Variants in NCAPD2 observed in about 807,000 individuals in gnomAD.
NCAPD2 encodes the protein condensin complex subunit 1.
A neutral mutation model predicts 164.5 loss-of-function variants in NCAPD2; 100 were observed. That is an observed-to-expected ratio of 0.61 (90% CI 0.52 to 0.72). The LOEUF (loss-of-function observed/expected upper bound fraction) is 0.72. Among genes scored for constraint, NCAPD2 ranks in the 30% least tolerant of loss-of-function variants. NCAPD2 has a pLI of 0.00. For synonymous variants in NCAPD2, 585 were observed against 642.6 expected, an observed-to-expected ratio of 0.91 and a Z score of 1.36; for missense variants, 1,560 against 1,749.2, an observed-to-expected ratio of 0.89 and a Z score of 1.93.
chr12:6,531,136 G>T lies in NCAPD2; in HGVS notation c.4120+60G>T. On this transcript the variant is annotated intron_variant, in intron 31 of 31. Transcript: ENST00000315579. This position sits in a 1 kb window ranked among gnomAD's most constrained non-coding sequence, Gnocchi z 4.1. ...CACACAGCTAGGGTGCAGAGGGCTG[G>T]TTTCCATAGGACCTGCTGCGGGGGC... 6.2e-7 allele frequency: 1 copy of T among 1,602,084 alleles called. No individual in the cohort carries two copies. Among genetic ancestry groups the T allele is most frequent in the Admixed American group, 1.7e-5 (1 of 59,366 alleles).
At chr12:6,500,094 A>G (rs932660461) in intron 2 of NCAPD2, among the ~76,000 whole-genome samples, 6 of 152,190 alleles carry the variant, frequency 3.9e-5, no homozygotes, top group South Asian at 2.1e-4. Context: ...CTGCACTGCA[A>G]CCTGGCCACA....
Position 6,521,927 on chromosome 12 carries a change from T to G in NCAPD2, c.1844T>G (p.Val615Gly). The G allele has an allele frequency of 6.2e-7, 1 of 1,614,016 alleles. No homozygotes were observed. The highest frequency in any genetic ancestry group is 1.1e-5 in the South Asian group (1 of 91,068). The part of the protein sequence containing the change: ...PEESRGNDEL[V>G]KQEMLVQYLQ... ...GAATCCAGGGGAAATGATGAACTAG[T>G]GAAGCAGGAGATGCTGGTACAGTAT... Residue 615 changes from valine (V) to glycine (G), a missense_variant, in exon 15 of 32, where the codon GTG becomes GGG. Val to Gly is a moderately radical substitution (Grantham distance 109). Transcript: ENST00000315579.
Position 6,531,569 on chromosome 12 carries a change from A to C in NCAPD2, c.*157A>C. ...GCCTGTAATCCCAGCACTTTGCGAT[A>C]CCAAGGCGGGTGGATAACCTGAGGT... On this transcript the variant is annotated 3_prime_UTR_variant, in exon 32 of 32. Transcript: ENST00000315579. This position sits in a 1 kb window ranked among gnomAD's most constrained non-coding sequence, Gnocchi z 4.1. 6.9e-7 allele frequency: 1 copy of C among 1,457,566 alleles called. No individual in the cohort carries two copies. Among genetic ancestry groups the C allele is most frequent in the Non-Finnish European group, 9.2e-7 (1 of 1,087,306 alleles). The allele number at this position is 1,457,566 out of a possible 1,614,324, so 90.3% of individuals were successfully genotyped here.
In NCAPD2 at chr12:6,514,764, CCT is replaced by C. The variant is rs1263873388; in HGVS notation, c.840-8_840-7del. 6.2e-7 allele frequency: 1 copy of C among 1,613,962 alleles called. No individual in the cohort carries two copies. The highest frequency in any genetic ancestry group is 1.3e-5 in the African/African-American group (1 of 75,024). On this transcript the variant is annotated splice_region_variant and splice_polypyrimidine_tract_variant and intron_variant, in intron 8 of 31. Coordinates refer to ENST00000315579, the MANE Select transcript of NCAPD2 (RefSeq NM_014865.4). ...ATGTTGCTATGGCTGTGTTTTCTTCCCTGTGTAGAGAGATTGGACAAAAGTGT... is the reference window on the plus strand; with the variant it reads ...ATGTTGCTATGGCTGTGTTTTCTTCCGTGTAGAGAGATTGGACAAAAGTGT...
chr12:6,523,400 T>TTTG (rs1946286154), intron 17 of NCAPD2, 54 bp downstream of exon 17: 3 of 1,232,740 alleles, frequency 2.4e-6, no homozygotes. Context: ...TTTTGGTTGT[T>TTTG]TTTTTTTTTT....
Position 6,527,081 on chromosome 12 carries a change from G to A in NCAPD2, c.2907+18G>A, listed in dbSNP as rs757415247. Reference sequence around the variant, plus strand: ...AGGAGAAGGTGTGTGAATGTCCTCAGCACTTCCCAGATTTATTTCATACCT... The same window carrying A: ...AGGAGAAGGTGTGTGAATGTCCTCAACACTTCCCAGATTTATTTCATACCT... On this transcript the variant is annotated intron_variant, in intron 22 of 31. Transcript: ENST00000315579. The A allele has an allele frequency of 6.3e-7, 1 of 1,590,014 alleles. No homozygotes were observed. The highest frequency in any genetic ancestry group is 8.6e-7 in the Non-Finnish European group (1 of 1,165,572).
At chr12:6,505,318 G>A (rs528794665) in intron 2 of NCAPD2, among the ~76,000 whole-genome samples, 21 of 152,182 alleles carry the variant, frequency 1.4e-4, no homozygotes, top group African/African-American at 4.6e-4. Context: ...CACCCGCCTC[G>A]GTCTCCAAAG....
In NCAPD2 at chr12:6,518,525, T is replaced by TTG. The variant is rs2137053259; in HGVS notation, c.1589+567_1589+568insGT. ...ACAAGTTTTTTTTTTTTTTTTTTTT[T>TTG]TTTTTTTTTGAGATGGAGTCTCACT... On this transcript the variant is annotated intron_variant, in intron 13 of 31. Coordinates refer to ENST00000315579, the MANE Select transcript of NCAPD2 (RefSeq NM_014865.4). Among the ~76,000 whole-genome samples, 2 of 122,056 alleles carry TTG rather than the reference T, an allele frequency of 1.6e-5. 1 individual carries two copies. Among genetic ancestry groups the TTG allele is most frequent in the African/African-American group, 6.6e-5 (2 of 30,368 alleles). 80.1% of individuals were successfully genotyped at this position (122,056 alleles called of 152,430 possible).
At chr12:6,520,635 T>C (rs1946255366) in intron 13 of NCAPD2, among the ~76,000 whole-genome samples, 4 of 152,216 alleles carry the variant, frequency 2.6e-5, no homozygotes. Flanking sequence ...AACTAATTAT[T>C]GAAAGTTTAT....
Position 6,523,003 on chromosome 12 carries a change from G to GT in NCAPD2, c.2129+2dup. The GT allele has an allele frequency of 6.2e-7, 1 of 1,613,906 alleles. No homozygotes were observed. The highest frequency in any genetic ancestry group is 8.5e-7 in the Non-Finnish European group (1 of 1,179,932). ...TCAACCCCAAAGGGGACTCTGCCAG[G>GT]TATATGGGGTGCTTTTGCCTTTGCT... On this transcript the variant is annotated splice_donor_variant, in intron 16 of 31. Coordinates refer to ENST00000315579, the MANE Select transcript of NCAPD2 (RefSeq NM_014865.4). LOFTEE classifies it high-confidence loss of function.
At chr12:6,497,543 A>T (rs1198222911) in intron 2 of NCAPD2, among the ~76,000 whole-genome samples, 1 of 152,126 alleles carries the variant, frequency 6.6e-6, no homozygotes, top group Non-Finnish European at 1.5e-5. Flanking sequence ...AAGTAAGAAC[A>T]TGCAGTGTTT....
rs1245055627 is a variant in NCAPD2, at chr12:6,509,729, C to A, written c.140C>A (p.Ala47Asp). The A allele has an allele frequency of 6.2e-7, 1 of 1,613,944 alleles. No homozygotes were observed. Among genetic ancestry groups the A allele is most frequent in the South Asian group, 1.1e-5 (1 of 91,076 alleles). ...TCCATCTTCATAGCTTTTCAGGCTG[C>A]CTTTCGAGCTCAGGGGCCCCTGGCT... Reference protein sequence around the residue: ...LPPQLRAFQAAFRAQGPLAML... With the variant: ...LPPQLRAFQADFRAQGPLAML... Residue 47 changes from alanine to aspartate, a missense_variant, in exon 3 of 32, where the codon GCC becomes GAC. By Grantham distance (126) the Ala-to-Asp change is moderately radical. Transcript: ENST00000315579.
In NCAPD2 at chr12:6,514,567, C is replaced by T. The variant is rs778456255; in HGVS notation, c.819C>T (p.Ser273=). 1.2e-6 allele frequency: 2 copies of T among 1,614,166 alleles called. No homozygotes were observed. The highest frequency in any genetic ancestry group is 1.7e-6 in the Non-Finnish European group (2 of 1,180,036). Residue 273 remains serine (S), a synonymous_variant, in exon 8 of 32, where the codon AGC becomes AGT. Transcript: ENST00000315579. Reference sequence around the variant, plus strand: ...GGGCAACTGACTATGGAATGAAGAGCATAGTGGGAGAGATTGTAAGGTGAC... The same window carrying T: ...GGGCAACTGACTATGGAATGAAGAGTATAGTGGGAGAGATTGTAAGGTGAC... The part of the protein sequence containing the change: ...SLWATDYGMK[S]IVGEIVREIG...
intron 2 of NCAPD2, among the ~76,000 whole-genome samples, chr12:6,497,539 G>A (rs1015967497): frequency 2.0e-5 from 3 of 152,102 alleles, no homozygotes; most frequent in Non-Finnish European, 4.4e-5. Flanking sequence ...TTGTAAGTAA[G>A]AACATGCAGT....
rs371408487 is a variant in NCAPD2, at chr12:6,520,836, A to G, written c.1590-150A>G. On this transcript the variant is annotated intron_variant, in intron 13 of 31. Transcript: ENST00000315579. ...CAAAGTGTTTTGAGCCCTACCCCTT[A>G]GTAGGTGCTGTAACAACTTTTTAAG... 49 of 917,614 alleles carry G rather than the reference A, an allele frequency of 5.3e-5. No homozygotes were observed. In the East Asian group the frequency reaches 6.0e-4, roughly 11 times the overall value. 56.8% of individuals were successfully genotyped at this position (917,614 alleles called of 1,614,324 possible). A position where few individuals can be genotyped will look rare whatever the true frequency, so the allele number is the denominator to read the frequency against.
chr12:6,504,192 T>G (rs1051085907), intron 2 of NCAPD2, among the ~76,000 whole-genome samples: 9 of 32,258 alleles, frequency 2.8e-4, no homozygotes, highest in East Asian at 1.9e-3. Flanking sequence ...CATATATATA[T>G]ATATATATAT....
chr12:6,515,895 G>T (rs1946193795), intron 9 of NCAPD2, among the ~76,000 whole-genome samples: 1 of 151,980 alleles, frequency 6.6e-6, no homozygotes, highest in Non-Finnish European at 1.5e-5. Flanking sequence ...TATTAGTAAG[G>T]ATTAAAGACT....
intron 13 of NCAPD2, 176 bp downstream of exon 13, chr12:6,518,135 G>A (rs1269191592): frequency 1.1e-5 from 6 of 552,358 alleles, no homozygotes; most frequent in Non-Finnish European, 1.9e-5. Flanking sequence ...AATTAAGCAT[G>A]TGTTTCTACT....
In NCAPD2 at chr12:6,515,377, G is replaced by T. The variant is rs551894121; in HGVS notation, c.987+457G>T. 2.6e-5 allele frequency among the ~76,000 whole-genome samples: 4 copies of T among 152,090 alleles called. No homozygotes were observed. The South Asian group carries it at 6.2e-4, about 24-fold the overall frequency. ...TTTTTTTAGTTTTTGTAGAGGTGGG[G>T]TCTTGCCATATTGCCCAGGCTAGTC... On this transcript the variant is annotated intron_variant, in intron 9 of 31. Coordinates refer to ENST00000315579, the MANE Select transcript of NCAPD2 (RefSeq NM_014865.4).
Sources: gnomAD v4.1 joint callset for allele counts (sites outside exome capture counted in the v4.1 genomes callset) on GRCh38, gnomAD v4.1.1 for gene constraint, Gnocchi (gnomAD v3.1) non-coding constraint, MANE v1.5 for transcripts, NCBI Gene and HGNC (gene_info 2026-07-23, HGNC 2026-07-21) for gene names.